Variants in CLSTN2 observed in about 807,000 individuals in gnomAD.
The protein encoded by CLSTN2 is calsyntenin 2, also known as calsyntenin-2.
A neutral mutation model predicts 101.2 loss-of-function variants in CLSTN2; 48 were observed. The ratio of observed to expected loss-of-function variants is 0.47; its 90% confidence interval spans 0.38 to 0.60. The LOEUF (loss-of-function observed/expected upper bound fraction) is 0.60, where lower values mean the gene tolerates loss of function less well. Among genes scored for constraint, CLSTN2 ranks in the 20% least tolerant of loss-of-function variants. The pLI, the probability that CLSTN2 is intolerant of heterozygous loss-of-function variation, is 0.00. For synonymous variants in CLSTN2, 481 were observed against 463.6 expected, an observed-to-expected ratio of 1.04 and a Z score of -0.48; for missense variants, 1,160 against 1,238.2, an observed-to-expected ratio of 0.94 and a Z score of 0.95.
intron 5 of CLSTN2, among the ~76,000 whole-genome samples, chr3:140,430,842 A>G (rs2107997773): frequency 6.6e-6 from 1 of 152,348 alleles, no homozygotes; most frequent in Non-Finnish European, 1.5e-5. Context: ...AAACTTAGAG[A>G]GATTGACTGT....
At chr3:140,041,695 G>T (rs1419973294) in intron 1 of CLSTN2, among the ~76,000 whole-genome samples, 1 of 152,070 alleles carries the variant, frequency 6.6e-6, no homozygotes, top group South Asian at 2.1e-4. Context: ...TCTCCTTTCC[G>T]GGCCTCACCG....
intron 1 of CLSTN2, among the ~76,000 whole-genome samples, chr3:140,083,996 C>T (rs528243936): frequency 3.1e-4 from 47 of 152,080 alleles, no homozygotes; most frequent in Non-Finnish European, 5.0e-4. Flanking sequence ...AACTGGAGAT[C>T]GGTAGGAGAT....
intron 2 of CLSTN2, among the ~76,000 whole-genome samples, chr3:140,325,589 T>G (rs2087324636): frequency 1.3e-5 from 2 of 152,206 alleles, no homozygotes; most frequent in African/African-American, 2.4e-5. Context: ...GAAGCAAAAT[T>G]TATTCAAAGA....
At chr3:140,279,081 T>C (rs905731088) in intron 2 of CLSTN2, among the ~76,000 whole-genome samples, 1 of 152,196 alleles carries the variant, frequency 6.6e-6, no homozygotes, top group East Asian at 1.9e-4. Context: ...TATATATAAA[T>C]AGAATCATGC....
rs182599179 is a variant in CLSTN2 at position 140,533,665 on chromosome 3, C to T, written c.1507+1179C>T. The stretch of plus-strand genomic sequence containing the variant: ...GGTGGAGCTCGCAGTGAGCCGAGAT[C>T]GCGCCACTGCACTCCAGCCTGGGCA... On this transcript the variant is annotated intron_variant, in intron 9 of 16. Transcript: ENST00000458420. Among the ~76,000 whole-genome samples, 87 of 147,444 alleles carry T rather than the reference C, an allele frequency of 5.9e-4. 1 individual carries two copies. The highest frequency in any genetic ancestry group is 4.4e-3 in the Admixed American group (65 of 14,716).
chr3:139,975,952 T>C (rs1325328077), intron 1 of CLSTN2, among the ~76,000 whole-genome samples: 1 of 152,214 alleles, frequency 6.6e-6, no homozygotes, highest in Non-Finnish European at 1.5e-5. Flanking sequence ...ATGAGGCAGG[T>C]ACTAGTACAG....
chr3:140,499,094 A>T (rs1034044949), intron 8 of CLSTN2, among the ~76,000 whole-genome samples: 1 of 152,098 alleles, frequency 6.6e-6, no homozygotes. Flanking sequence ...CGACTCAACT[A>T]TTACCAGCTG....
intron 1 of CLSTN2, among the ~76,000 whole-genome samples, chr3:140,019,009 C>T (rs2007254406): frequency 6.6e-6 from 1 of 152,110 alleles, no homozygotes; most frequent in South Asian, 2.1e-4. Context: ...AAGAGAGGGT[C>T]TAATCAGATG....
At chr3:140,275,304 A>G (rs1439050738) in intron 2 of CLSTN2, among the ~76,000 whole-genome samples, 1 of 150,610 alleles carries the variant, frequency 6.6e-6, no homozygotes, top group East Asian at 2.0e-4. Flanking sequence ...AGGAGGTCTC[A>G]CTGTGGCACC....
At chr3:140,538,334 AC>A (rs1935398319) in intron 9 of CLSTN2, among the ~76,000 whole-genome samples, 1 of 152,092 alleles carries the variant, frequency 6.6e-6, no homozygotes, top group African/African-American at 2.4e-5. Context: ...CCTCTACTTA[AC>A]AAATAAGGCA....
intron 1 of CLSTN2, among the ~76,000 whole-genome samples, chr3:140,145,429 A>G (rs376423259): frequency 2.2e-4 from 33 of 152,394 alleles, no homozygotes; most frequent in African/African-American, 6.0e-4. Flanking sequence ...TGGGCACTGT[A>G]GAGCAGTTGC....
rs369401020 is a variant in CLSTN2, at chr3:140,028,838, A to G, written c.109+93355A>G. Among the ~76,000 whole-genome samples, 7 of 152,298 alleles carry G rather than the reference A, an allele frequency of 4.6e-5. No homozygotes were observed. The South Asian group carries it at 1.0e-3, about 23-fold the overall frequency. ...TAGGTCAGAAGGACAGGGCCAGGGAAAGCCAGATTGGTGTGTGACCGCTTC... is the reference window on the plus strand; with the variant it reads ...TAGGTCAGAAGGACAGGGCCAGGGAGAGCCAGATTGGTGTGTGACCGCTTC... On this transcript the variant is annotated intron_variant, in intron 1 of 16. Coordinates refer to ENST00000458420, the MANE Select transcript of CLSTN2 (RefSeq NM_022131.3).
chr3:140,454,000 C>T (rs974263743), intron 6 of CLSTN2, among the ~76,000 whole-genome samples: 2 of 152,218 alleles, frequency 1.3e-5, no homozygotes, highest in Non-Finnish European at 2.9e-5. Flanking sequence ...CCCAGCATGA[C>T]AGTGTCAGTC....
chr3:140,488,387 G>T (rs1934279517), intron 8 of CLSTN2, among the ~76,000 whole-genome samples: 1 of 152,078 alleles, frequency 6.6e-6, no homozygotes, highest in Admixed American at 6.5e-5. Context: ...TCACTTCTCT[G>T]AGCCTTAGTA....
At chr3:140,180,572 T>C (rs2010392965) in intron 2 of CLSTN2, among the ~76,000 whole-genome samples, 1 of 152,194 alleles carries the variant, frequency 6.6e-6, no homozygotes, top group African/African-American at 2.4e-5. Flanking sequence ...AACTTATTAA[T>C]TTCTACCTGT....
At chr3:140,455,193 G>GGCC (rs893952235) in intron 6 of CLSTN2, among the ~76,000 whole-genome samples, 88 of 152,310 alleles carry the variant, frequency 5.8e-4, no homozygotes, top group African/African-American at 2.1e-3. Flanking sequence ...TACAGAGTGA[G>GGCC]GCCTGTGTCC....
chr3:140,003,316 A>T (rs1196061044), intron 1 of CLSTN2, among the ~76,000 whole-genome samples: 1 of 152,108 alleles, frequency 6.6e-6, no homozygotes, highest in Non-Finnish European at 1.5e-5. Flanking sequence ...GGCTATTATA[A>T]ATGGGATTAC....
At chr3:140,093,196 G>A (rs956630808) in intron 1 of CLSTN2, among the ~76,000 whole-genome samples, 2 of 152,200 alleles carry the variant, frequency 1.3e-5, no homozygotes, top group East Asian at 1.9e-4. Flanking sequence ...CAGGGGTGTC[G>A]CCTGCTCTGG....
intron 1 of CLSTN2, among the ~76,000 whole-genome samples, chr3:140,042,464 TTTCCA>T (rs1275689200): frequency 2.6e-5 from 4 of 152,212 alleles, no homozygotes; most frequent in African/African-American, 9.6e-5. Flanking sequence ...CCATTTTATT[TTTCCA>T]TTCATCAGTT....
Sources: allele counts gnomAD v4.1 joint callset (sites outside exome capture counted in the v4.1 genomes callset), GRCh38; gene constraint gnomAD v4.1.1; transcripts MANE v1.5; gene names NCBI Gene and HGNC (gene_info 2026-07-23, HGNC 2026-07-21).